Variants in KLHL29 observed in about 807,000 individuals in gnomAD.
KLHL29 encodes the protein kelch like family member 29.
In KLHL29, 21 loss-of-function variants were observed where a neutral mutation model predicts 80.4. That is an observed-to-expected ratio of 0.26 (90% CI 0.19 to 0.38). The LOEUF (loss-of-function observed/expected upper bound fraction) is 0.38. KLHL29 is among the 10% of genes least tolerant of loss of function. KLHL29 has a pLI of 1.00. For synonymous variants in KLHL29, 511 were observed against 526.8 expected (o/e 0.97, Z 0.41); for missense variants, 867 against 1,223.9 (o/e 0.71, Z 4.35).
intron 5 of KLHL29, among the ~76,000 whole-genome samples, chr2:23,648,686 G>C (rs1421736078): frequency 6.6e-6 from 1 of 152,178 alleles, no homozygotes. Flanking sequence ...GGACACCGCC[G>C]GGGCCAGGTC....
Position 23,479,512 on chromosome 2 carries a change from G to T in KLHL29, c.-46+3845G>T, listed in dbSNP as rs140271565. Among the ~76,000 whole-genome samples the T allele has an allele frequency of 3.3e-3, 509 of 152,178 alleles. 4 individuals are homozygous for T. Among genetic ancestry groups the T allele is most frequent in the African/African-American group, 0.012 (495 of 41,546 alleles). The stretch of plus-strand genomic sequence containing the variant: ...CCTGCCAGGAAGGGAAGCTGTTGGT[G>T]CCGCAGGCTTTCCTTGGCTCCCTGT... On this transcript the variant is annotated intron_variant, in intron 2 of 13. Coordinates refer to ENST00000486442, the MANE Select transcript of KLHL29 (RefSeq NM_052920.2).
At position 23,385,192 on chromosome 2, in the gene KLHL29, A is replaced by G. The variant is rs1666137441; in HGVS notation, c.-742A>G. The G allele has an allele frequency of 6.8e-6, 1 of 147,466 alleles. No homozygotes were observed. Among genetic ancestry groups the G allele is most frequent in the East Asian group, 2.0e-4 (1 of 4,954 alleles). 9.1% of individuals were successfully genotyped at this position (147,466 alleles called of 1,614,324 possible). A position where few individuals can be genotyped will look rare whatever the true frequency, so the allele number is the denominator to read the frequency against. Reference sequence around the variant, plus strand: ...CGCAGCTAAAGCAGACGGTACCCGGAGCGGAGCGAGCCAGAAGGGAGCATG... The same window carrying G: ...CGCAGCTAAAGCAGACGGTACCCGGGGCGGAGCGAGCCAGAAGGGAGCATG... On this transcript the variant is annotated 5_prime_UTR_variant, in exon 1 of 14. Coordinates refer to ENST00000486442, the MANE Select transcript of KLHL29 (RefSeq NM_052920.2).
chr2:23,689,895 G>C (rs1436056592), intron 6 of KLHL29: 1 of 152,342 alleles, frequency 6.6e-6, no homozygotes. Context: ...AGAAGACTAG[G>C]TGTGTGAATT....
intron 2 of KLHL29, among the ~76,000 whole-genome samples, chr2:23,523,446 C>T (rs1248701131): frequency 2.0e-5 from 3 of 152,226 alleles, no homozygotes; most frequent in Admixed American, 2.0e-4. Flanking sequence ...ACTGCTGCAA[C>T]ATAATACAGT....
At chr2:23,394,871 T>G (rs865837349) in intron 1 of KLHL29, among the ~76,000 whole-genome samples, 1 of 152,358 alleles carries the variant, frequency 6.6e-6, no homozygotes, top group Middle Eastern at 3.4e-3. Context: ...CCTTTCTTTG[T>G]GGTCAGAAGG....
At chr2:23,608,142 T>C (rs144793575) in intron 3 of KLHL29, among the ~76,000 whole-genome samples, 34 of 152,296 alleles carry the variant, frequency 2.2e-4, no homozygotes, top group African/African-American at 6.7e-4. Context: ...AATTTCCATC[T>C]CCATTCCCAG....
At chr2:23,408,985 T>A (rs549936162) in intron 1 of KLHL29, among the ~76,000 whole-genome samples, 1 of 152,246 alleles carries the variant, frequency 6.6e-6, no homozygotes, top group African/African-American at 2.4e-5. Flanking sequence ...AGCTCTGCCT[T>A]GTTGGGGGGT....
intron 1 of KLHL29, among the ~76,000 whole-genome samples, chr2:23,434,501 G>A (rs1558336849): frequency 6.6e-6 from 1 of 152,040 alleles, no homozygotes; most frequent in African/African-American, 2.4e-5. Context: ...TAATTAAAAC[G>A]TGAGGCAGTC....
intron 1 of KLHL29, among the ~76,000 whole-genome samples, chr2:23,404,542 G>A (rs376095226): frequency 1.3e-5 from 2 of 152,132 alleles, no homozygotes; most frequent in African/African-American, 4.8e-5. Flanking sequence ...TGACATGATC[G>A]AGGTGGTCCA....
intron 3 of KLHL29, among the ~76,000 whole-genome samples, chr2:23,572,090 TACC>T (rs1268422484): frequency 6.6e-6 from 1 of 152,346 alleles, no homozygotes; most frequent in African/African-American, 2.4e-5. Flanking sequence ...CACAGCTTAG[TACC>T]ACCACACTCC....
chr2:23,584,388 C>T (rs1668065672), intron 3 of KLHL29, among the ~76,000 whole-genome samples: 1 of 152,242 alleles, frequency 6.6e-6, no homozygotes, highest in African/African-American at 2.4e-5. Flanking sequence ...CCAGCTTCGC[C>T]CTCTGGGGAT....
chr2:23,429,622 G>A (rs528390794), intron 1 of KLHL29, among the ~76,000 whole-genome samples: 107 of 152,174 alleles, frequency 7.0e-4, no homozygotes, highest in East Asian at 4.6e-3. Context: ...GCATGGTGGC[G>A]GACGCCTGTA....
At chr2:23,481,331 A>C (rs1003180189) in intron 2 of KLHL29, among the ~76,000 whole-genome samples, 1 of 152,152 alleles carries the variant, frequency 6.6e-6, no homozygotes. Flanking sequence ...CTGCTCCTAC[A>C]CTTGTGATTC....
At chr2:23,388,682 T>G (rs1666242861) in intron 1 of KLHL29, among the ~76,000 whole-genome samples, 1 of 152,234 alleles carries the variant, frequency 6.6e-6, no homozygotes, top group African/African-American at 2.4e-5. Flanking sequence ...ATTCCTAGTT[T>G]AAAGTATCTC....
intron 5 of KLHL29, among the ~76,000 whole-genome samples, chr2:23,659,631 C>G (rs559926849): frequency 6.6e-6 from 1 of 152,276 alleles, no homozygotes; most frequent in East Asian, 1.9e-4. Context: ...ACCTGTTTCC[C>G]CATTTGGAAA....
At chr2:23,527,775 C>T (rs1230304393) in intron 2 of KLHL29, among the ~76,000 whole-genome samples, 1 of 152,206 alleles carries the variant, frequency 6.6e-6, no homozygotes, top group Non-Finnish European at 1.5e-5. Flanking sequence ...CCCAAGCCTC[C>T]ATAGGAGCAA....
chr2:23,677,493 C>T (rs188846348), intron 5 of KLHL29, among the ~76,000 whole-genome samples: 133 of 152,352 alleles, frequency 8.7e-4, no homozygotes, highest in Non-Finnish European at 1.3e-3. Context: ...AGGTGTCACA[C>T]GTCCGACTCA....
intron 1 of KLHL29, among the ~76,000 whole-genome samples, chr2:23,468,987 C>G (rs1664424459): frequency 6.6e-6 from 1 of 152,250 alleles, no homozygotes; most frequent in Non-Finnish European, 1.5e-5. Flanking sequence ...TCCTGGAAAA[C>G]CGGCCGGGAG....
At chr2:23,491,636 A>G (rs759601447) in intron 2 of KLHL29, among the ~76,000 whole-genome samples, 27 of 151,988 alleles carry the variant, frequency 1.8e-4, no homozygotes, top group Non-Finnish European at 3.4e-4. Flanking sequence ...GGAATCCCAT[A>G]TCACTGTCTT....
Sources: allele counts gnomAD v4.1 joint callset (sites outside exome capture counted in the v4.1 genomes callset), GRCh38; gene constraint gnomAD v4.1.1; transcripts MANE v1.5; gene names NCBI Gene and HGNC (gene_info 2026-07-23, HGNC 2026-07-21).